ZNF44: variants seen among roughly 807,000 people sequenced by gnomAD.
The protein encoded by ZNF44 is gonadotropin inducible transcription repressor-2.
Under a neutral mutation model 11.7 loss-of-function variants are expected in ZNF44, and 9 were observed. The ratio of observed to expected loss-of-function variants is 0.77; its 90% CI spans 0.46 to 1.35. ZNF44 has a LOEUF of 1.35. ZNF44 is among the 40% of genes most tolerant of loss of function. The probability of loss-of-function intolerance (pLI) is 0.00; values close to 1 mark genes in which losing one functional copy is unlikely to be tolerated. For missense variants in ZNF44, 696 were observed against 743.1 expected (o/e 0.94, Z 0.74); for synonymous variants, 224 against 242.7 (o/e 0.92, Z 0.72).
downstream of ZNF44, among the ~76,000 whole-genome samples, chr19:12,270,144 ATTAG>A (rs913471441): frequency 1.3e-5 from 2 of 152,052 alleles, no homozygotes; most frequent in Non-Finnish European, 2.9e-5. Flanking sequence ...GTTGTGTGAC[ATTAG>A]TTGACTACTG....
intron 2 of ZNF44, among the ~76,000 whole-genome samples, chr19:12,233,930 C>T (rs186244399): frequency 1.3e-5 from 2 of 152,038 alleles, no homozygotes; most frequent in East Asian, 1.9e-4. Context: ...GGCATGGTGG[C>T]GGGCACCTGT....
downstream of ZNF44, among the ~76,000 whole-genome samples, chr19:12,269,774 C>T (rs1245436058): frequency 6.6e-6 from 1 of 151,726 alleles, no homozygotes; most frequent in Non-Finnish European, 1.5e-5. Context: ...TGGGATTTCT[C>T]CCCAATGAGC....
intron 1 of ZNF44, among the ~76,000 whole-genome samples, chr19:12,282,909 G>A (rs1190166108): frequency 6.6e-6 from 1 of 152,106 alleles, no homozygotes; most frequent in Non-Finnish European, 1.5e-5. Context: ...GAACATTTTA[G>A]CCTGTCAGCT....
chr19:12,254,527 G>A (rs1055641662), intron 5 of ZNF44, among the ~76,000 whole-genome samples: 1 of 152,114 alleles, frequency 6.6e-6, no homozygotes, highest in African/African-American at 2.4e-5. Flanking sequence ...GAGGTCAGGA[G>A]TTCGAGACTA....
chr19:12,232,085 A>G (rs1271807157), intron 2 of ZNF44, among the ~76,000 whole-genome samples: 1 of 152,238 alleles, frequency 6.6e-6, no homozygotes, highest in Non-Finnish European at 1.5e-5. Flanking sequence ...GCAGACAAAT[A>G]CGTGAACAAA....
chr19:12,265,257 G>T (rs971814971), intron 5 of ZNF44, among the ~76,000 whole-genome samples: 3 of 151,968 alleles, frequency 2.0e-5, no homozygotes, highest in Non-Finnish European at 4.4e-5. Context: ...AATTAGCTGG[G>T]TGTGGTGGTC....
At chr19:12,285,861 A>T (rs1477182403) in intron 1 of ZNF44, among the ~76,000 whole-genome samples, 1 of 152,024 alleles carries the variant, frequency 6.6e-6, no homozygotes, top group Non-Finnish European at 1.5e-5. Flanking sequence ...TACTAAAAAT[A>T]CAAAAAAATT....
intron 1 of ZNF44, among the ~76,000 whole-genome samples, chr19:12,290,051 G>A (rs1460963777): frequency 6.6e-6 from 1 of 152,128 alleles, no homozygotes; most frequent in Non-Finnish European, 1.5e-5. Flanking sequence ...CTCTGCCTGT[G>A]GATCCCCAGA....
chr19:12,284,005 G>C (rs937445022), intron 1 of ZNF44, among the ~76,000 whole-genome samples: 2 of 152,074 alleles, frequency 1.3e-5, no homozygotes, highest in Non-Finnish European at 2.9e-5. Flanking sequence ...AAAAATTTAG[G>C]AAGAGTTCAT....
downstream of ZNF44, among the ~76,000 whole-genome samples, chr19:12,268,145 GACACACACACACAC>G (rs71166661): frequency 1.0e-4 from 14 of 136,854 alleles, no homozygotes; most frequent in South Asian, 7.4e-4. Flanking sequence ...CACACACACA[GACACACACACACAC>G]ACACACACAC....
chr19:12,260,115 G>A (rs1599510441), intron 5 of ZNF44: 15 of 687,706 alleles, frequency 2.2e-5, no homozygotes, highest in South Asian at 1.6e-4. Context: ...ACTGCGAGAG[G>A]AGCCGCCACC....
downstream of ZNF44, among the ~76,000 whole-genome samples, chr19:12,246,535 A>G (rs980823689): frequency 1.5e-5 from 2 of 134,660 alleles, no homozygotes; most frequent in African/African-American, 6.2e-5. Context: ...TCATTTTTCA[A>G]TGGCCCAGAA....
chr19:12,268,145 G>GACACACACAC (rs71166661), downstream of ZNF44, among the ~76,000 whole-genome samples: 6,176 of 136,766 alleles, frequency 0.045, 182 homozygotes, highest in Non-Finnish European at 0.054. Flanking sequence ...CACACACACA[G>GACACACACAC]ACACACACAC....
chr19:12,238,336 C>T (rs1327042692), upstream of ZNF44, among the ~76,000 whole-genome samples: 1 of 151,742 alleles, frequency 6.6e-6, no homozygotes, highest in Non-Finnish European at 1.5e-5. Flanking sequence ...ACTAAAAATA[C>T]AAAAACTAGG....
In ZNF44 at chr19:12,272,617, GAA is replaced by G. The variant is rs769005157; in HGVS notation, c.1636_1637del (p.Phe546ProfsTer5). The G allele has an allele frequency of 5.0e-6, 8 of 1,604,080 alleles. No homozygotes were observed. The highest frequency in any genetic ancestry group is 6.8e-6 in the Non-Finnish European group (8 of 1,175,348). ...QCRKAFFWPS[F>X]LLRHERTHTG... ...TGTGAGTCCTTTCATGTCTTAGAAG[GAA>G]AGAGGGCCAAAAGAATGCTTTCCTG... On this transcript the variant is annotated frameshift_variant, in exon 4 of 4. Transcript: ENST00000355684. LOFTEE classifies it low-confidence loss of function (END_TRUNC).
chr19:12,280,641 A>G (rs1035133564), intron 1 of ZNF44, among the ~76,000 whole-genome samples: 9 of 152,142 alleles, frequency 5.9e-5, no homozygotes, highest in Non-Finnish European at 1.0e-4. Context: ...ATCTATATTC[A>G]CCAGTAAAAA....
intron 5 of ZNF44, among the ~76,000 whole-genome samples, chr19:12,263,172 C>T (rs947155927): frequency 6.6e-6 from 1 of 151,918 alleles, no homozygotes; most frequent in African/African-American, 2.4e-5. Context: ...CCGCAACCTC[C>T]ATCTCATGGG....
chr19:12,292,864 T>TG (rs1446093478), intron 1 of ZNF44, among the ~76,000 whole-genome samples: 1,303 of 122,414 alleles, frequency 0.011, 23 homozygotes, highest in African/African-American at 0.033. Context: ...GGTTTTTTTT[T>TG]TTTTTTTTTT....
chr19:12,255,797 C>T (rs183023013), intron 5 of ZNF44, among the ~76,000 whole-genome samples: 3 of 152,034 alleles, frequency 2.0e-5, no homozygotes, highest in East Asian at 1.9e-4. Flanking sequence ...GCCAGCACTT[C>T]GGGAGTCCAA....
Sources: gnomAD v4.1 joint callset for allele counts (sites outside exome capture counted in the v4.1 genomes callset) on GRCh38, gnomAD v4.1.1 for gene constraint, MANE v1.5 for transcripts, NCBI Gene and HGNC (gene_info 2026-07-23, HGNC 2026-07-21) for gene names.